ZBTB20: variants seen among roughly 807,000 people sequenced by gnomAD.
ZBTB20 encodes zinc finger and BTB domain containing 20.
A neutral mutation model predicts 56.9 loss-of-function variants in ZBTB20; 9 were observed. That is an observed-to-expected ratio of 0.16 (90% CI 0.10 to 0.28). The LOEUF is 0.28. Ranked by LOEUF, ZBTB20 falls within the 10% of genes least tolerant of loss-of-function variation. The probability of loss-of-function intolerance (pLI) is 1.00; values close to 1 mark genes in which losing one functional copy is unlikely to be tolerated. For missense variants in ZBTB20, 655 were observed against 1,003.0 expected (o/e 0.65, Z 4.69); for synonymous variants, 417 against 420.7 (o/e 0.99, Z 0.11).
intron 6 of ZBTB20, among the ~76,000 whole-genome samples, chr3:114,665,091 A>G (rs2060971085): frequency 6.6e-6 from 1 of 152,106 alleles, no homozygotes; most frequent in Admixed American, 6.6e-5. Flanking sequence ...GAGAAAAACA[A>G]AATATTCAAA....
At chr3:114,858,126 T>C (rs1215382000) in intron 4 of ZBTB20, among the ~76,000 whole-genome samples, 1 of 152,194 alleles carries the variant, frequency 6.6e-6, no homozygotes, top group African/African-American at 2.4e-5. Flanking sequence ...TTTTTACTAA[T>C]AATCTCTATT....
At chr3:114,928,422 A>G (rs1399868846) in intron 3 of ZBTB20, among the ~76,000 whole-genome samples, 2 of 150,456 alleles carry the variant, frequency 1.3e-5, no homozygotes, top group African/African-American at 2.4e-5. Flanking sequence ...AGGTTCTTCA[A>G]TGATGGAGAA....
chr3:114,458,613 A>T (rs2109103578), intron 7 of ZBTB20, among the ~76,000 whole-genome samples: 1 of 152,272 alleles, frequency 6.6e-6, no homozygotes, highest in Admixed American at 6.5e-5. Context: ...TACCAATGAA[A>T]ACTTCGATAT....
At position 115,094,522 on chromosome 3, in the gene ZBTB20, T is replaced by C. The variant is rs997372753; in HGVS notation, c.-702-23108A>G. 2.0e-4 allele frequency among the ~76,000 whole-genome samples: 30 copies of C among 151,734 alleles called. 1 individual carries two copies. The highest frequency in any genetic ancestry group is 7.2e-4 in the African/African-American group (30 of 41,416). The stretch of plus-strand genomic sequence containing the variant: ...AAAATTACATAGCCTGGAACATTTC[T>C]AGTTTTCTGCTAGTAATAGCTTTTT... On this transcript the variant is annotated intron_variant, in intron 1 of 11. Transcript: ENST00000675478.
At chr3:114,420,797 A>T (rs746146777) in intron 7 of ZBTB20, among the ~76,000 whole-genome samples, 8 of 152,186 alleles carry the variant, frequency 5.3e-5, no homozygotes, top group Non-Finnish European at 1.2e-4. Context: ...TCTGGCCTTT[A>T]TGAGGTGGAA....
At chr3:114,719,769 C>T (rs909769023) in intron 5 of ZBTB20, among the ~76,000 whole-genome samples, 1 of 152,028 alleles carries the variant, frequency 6.6e-6, no homozygotes, top group Non-Finnish European at 1.5e-5. Flanking sequence ...CCAGAGAATT[C>T]GCACAATCTT....
intron 6 of ZBTB20, among the ~76,000 whole-genome samples, chr3:114,531,014 G>A (rs2047783014): frequency 6.6e-6 from 1 of 151,878 alleles, no homozygotes; most frequent in Non-Finnish European, 1.5e-5. Context: ...TAGTCTTATG[G>A]CTTTACCTAC....
At chr3:115,128,440 G>C (rs2084397352) in intron 1 of ZBTB20, among the ~76,000 whole-genome samples, 1 of 151,888 alleles carries the variant, frequency 6.6e-6, no homozygotes, top group Admixed American at 6.6e-5. Flanking sequence ...GAAGCAGGTG[G>C]ATCTTCTGAG....
At chr3:114,414,864 T>G (rs1049490883) in intron 7 of ZBTB20, among the ~76,000 whole-genome samples, 2 of 151,590 alleles carry the variant, frequency 1.3e-5, no homozygotes, top group Non-Finnish European at 2.9e-5. Flanking sequence ...AAAGTCTAGG[T>G]AAAAGTAAAG....
rs758926556 is a variant in ZBTB20 at position 115,000,329 on chromosome 3, T to C, written c.-506-25913A>G. On this transcript the variant is annotated intron_variant, in intron 2 of 11. Transcript: ENST00000675478. ...AATTCATTTTTAAATTATTTGTAAA[T>C]TAGCAGACTATTTCTTTTATAAAAT... 2.6e-5 allele frequency among the ~76,000 whole-genome samples: 4 copies of C among 151,850 alleles called. No individual in the cohort carries two copies. The East Asian group carries it at 7.8e-4, about 30-fold the overall frequency.
intron 6 of ZBTB20, among the ~76,000 whole-genome samples, chr3:114,510,641 T>C (rs2045250827): frequency 6.6e-6 from 1 of 152,250 alleles, no homozygotes; most frequent in South Asian, 2.1e-4. Context: ...AAAACAGCAG[T>C]GTGATCCTAA....
At chr3:115,123,123 ATTC>A (rs1343636900) in intron 1 of ZBTB20, among the ~76,000 whole-genome samples, 1 of 152,134 alleles carries the variant, frequency 6.6e-6, no homozygotes, top group Non-Finnish European at 1.5e-5. Context: ...CTCAGTGAAG[ATTC>A]TTCTATTTTC....
intron 2 of ZBTB20, among the ~76,000 whole-genome samples, chr3:114,976,613 C>T (rs1263996337): frequency 2.8e-5 from 4 of 143,030 alleles, no homozygotes; most frequent in African/African-American, 1.0e-4. Context: ...GTGATAAGAG[C>T]AAAACTCCGC....
rs149680366 is a variant in ZBTB20 at position 114,628,746 on chromosome 3, TTACTAATAATTTC to T, written c.-295+64769_-295+64781del. Among the ~76,000 whole-genome samples, 3 of 152,302 alleles carry T rather than the reference TTACTAATAATTTC, an allele frequency of 2.0e-5. No homozygotes were observed. In the East Asian group the frequency reaches 5.8e-4, roughly 29 times the overall value. Reference sequence around the variant, plus strand: ...ATTTTTCAGCATTTCTTTTAACAGGTTACTAATAATTTCTGATACAGGATCTCATATTTCATTT... The same window carrying T: ...ATTTTTCAGCATTTCTTTTAACAGGTTGATACAGGATCTCATATTTCATTT... On this transcript the variant is annotated intron_variant, in intron 6 of 11. Coordinates refer to ENST00000675478, the MANE Select transcript of ZBTB20 (RefSeq NM_001348800.3).
intron 11 of ZBTB20, among the ~76,000 whole-genome samples, chr3:114,344,509 G>A (rs2080038797): frequency 6.6e-6 from 1 of 152,170 alleles, no homozygotes; most frequent in Non-Finnish European, 1.5e-5. Flanking sequence ...GGCTTTGATA[G>A]TTTTACAGCA....
At chr3:114,417,723 A>G (rs893729616) in intron 7 of ZBTB20, among the ~76,000 whole-genome samples, 1 of 152,090 alleles carries the variant, frequency 6.6e-6, no homozygotes, top group Non-Finnish European at 1.5e-5. Flanking sequence ...AATAGAGCAA[A>G]AAATCTTGCT....
intron 6 of ZBTB20, among the ~76,000 whole-genome samples, chr3:114,667,434 A>G (rs1490757902): frequency 2.6e-5 from 4 of 152,040 alleles, no homozygotes; most frequent in African/African-American, 9.7e-5. Context: ...ACGTTTTAAA[A>G]GAAATGGGTC....
At chr3:115,010,153 G>A (rs1484970969) in intron 2 of ZBTB20, among the ~76,000 whole-genome samples, 1 of 151,898 alleles carries the variant, frequency 6.6e-6, no homozygotes, top group African/African-American at 2.4e-5. Flanking sequence ...TAAAAATACT[G>A]CTACAGATGG....
At chr3:115,129,688 T>C (rs757510267) in intron 1 of ZBTB20, among the ~76,000 whole-genome samples, 9 of 152,204 alleles carry the variant, frequency 5.9e-5, no homozygotes, top group Non-Finnish European at 1.2e-4. Context: ...CAAAACATAA[T>C]GCAGCATTAT....
Sources: allele counts gnomAD v4.1 joint callset (sites outside exome capture counted in the v4.1 genomes callset), GRCh38; gene constraint gnomAD v4.1.1; transcripts MANE v1.5; gene names NCBI Gene and HGNC (gene_info 2026-07-23, HGNC 2026-07-21).